The following SH3PXD2A variants were observed in gnomAD, a reference collection of about 807,000 sequenced individuals.
SH3PXD2A encodes SH3 and PX domain-containing protein 2A.
SH3PXD2A carries 32 observed loss-of-function variants against 115.2 expected under a neutral mutation model. That is an observed-to-expected ratio of 0.28 (90% CI 0.21 to 0.37). SH3PXD2A has a LOEUF of 0.37. Ranked by LOEUF, SH3PXD2A falls within the 10% of genes least tolerant of loss-of-function variation. SH3PXD2A has a pLI of 1.00. For missense variants in SH3PXD2A, 1,328 were observed against 1,498.7 expected (o/e 0.89, Z 1.88); for synonymous variants, 610 against 629.1 (o/e 0.97, Z 0.45).
chr10:103,700,986 T>C (rs1408254400), intron 5 of SH3PXD2A, among the ~76,000 whole-genome samples: 9 of 128,346 alleles, frequency 7.0e-5, no homozygotes, highest in East Asian at 5.6e-4. Context: ...CATCCATCCA[T>C]CATCCATTTA....
intron 1 of SH3PXD2A, among the ~76,000 whole-genome samples, chr10:103,812,177 C>T (rs1276429872): frequency 1.3e-5 from 2 of 152,222 alleles, no homozygotes; most frequent in African/African-American, 2.4e-5. Flanking sequence ...CCTGCCACCA[C>T]CCTCTGGTCC....
In SH3PXD2A at chr10:103,784,684, G is replaced by A. The variant is rs1283877852; in HGVS notation, c.153+16598C>T. Among the ~76,000 whole-genome samples, 21 of 152,150 alleles carry A rather than the reference G, an allele frequency of 1.4e-4. No individual in the cohort carries two copies. In the South Asian group the frequency reaches 2.1e-3, roughly 15 times the overall value. ...CCAGTAAAAACTCGGGGGGTGCAGT[G>A]AGGAGGCAGGAGGATGGGTCTGCTG... is the stretch of plus-strand genomic sequence containing the variant. On this transcript the variant is annotated intron_variant, in intron 2 of 14. Coordinates refer to ENST00000369774, the MANE Select transcript of SH3PXD2A (RefSeq NM_001394015.1). This position sits in a 1 kb window ranked among gnomAD's most constrained non-coding sequence, Gnocchi z 4.4.
chr10:103,780,439 G>A (rs969465786), intron 2 of SH3PXD2A, among the ~76,000 whole-genome samples: 1 of 152,210 alleles, frequency 6.6e-6, no homozygotes, highest in African/African-American at 2.4e-5. Flanking sequence ...GGGGTCAAGC[G>A]GGCAGAGTTC....
At chr10:103,639,627 GAAAAAGAAAAAAA>G (rs1345195138) in intron 8 of SH3PXD2A, among the ~76,000 whole-genome samples, 61 of 70,728 alleles carry the variant, frequency 8.6e-4, no homozygotes, top group African/African-American at 3.0e-3. Flanking sequence ...AAAAAAAAAA[GAAAAAGAAAAAAA>G]AAAAAGAAAA....
At chr10:103,669,482 A>C (rs1008825247) in intron 6 of SH3PXD2A, among the ~76,000 whole-genome samples, 4 of 152,256 alleles carry the variant, frequency 2.6e-5, no homozygotes, top group Non-Finnish European at 4.4e-5. Context: ...TCTTGGTCTA[A>C]TCAATGGTTT....
At chr10:103,643,033 C>A (rs1446100639) in intron 8 of SH3PXD2A, among the ~76,000 whole-genome samples, 2 of 152,194 alleles carry the variant, frequency 1.3e-5, no homozygotes, top group African/African-American at 2.4e-5. Flanking sequence ...CACAATTTGT[C>A]TAGGGCATTC....
chr10:103,811,559 G>A (rs1190392997), intron 1 of SH3PXD2A, among the ~76,000 whole-genome samples: 7 of 152,218 alleles, frequency 4.6e-5, no homozygotes, highest in African/African-American at 1.7e-4. Context: ...ATGAAGCTCA[G>A]ATTCAAATGC....
intron 8 of SH3PXD2A, among the ~76,000 whole-genome samples, chr10:103,648,574 G>A (rs545859340): frequency 6.6e-6 from 1 of 152,282 alleles, no homozygotes; most frequent in South Asian, 2.1e-4. Context: ...AACCAAAAAC[G>A]TCCATCAGCC....
chr10:103,745,570 A>C (rs1232872889), intron 3 of SH3PXD2A, among the ~76,000 whole-genome samples: 1 of 152,244 alleles, frequency 6.6e-6, no homozygotes, highest in East Asian at 1.9e-4. Flanking sequence ...AATGGTGAAC[A>C]AATGGGATCT....
At chr10:103,643,776 G>A (rs1308807673) in intron 8 of SH3PXD2A, among the ~76,000 whole-genome samples, 4 of 152,162 alleles carry the variant, frequency 2.6e-5, no homozygotes, top group South Asian at 2.1e-4. Flanking sequence ...ACCCACTCTC[G>A]GGGAACCACT....
At chr10:103,855,162 A>AC in intron 1 of SH3PXD2A, 33 bp downstream of exon 1, 1 of 1,487,214 alleles carries the variant, frequency 6.7e-7, no homozygotes, top group Non-Finnish European at 9.0e-7. Flanking sequence ...ACCTCGGGCC[A>AC]CCCCCAGCAG....
Position 103,599,499 on chromosome 10 carries a change from G to A in SH3PXD2A, c.*2317C>T, listed in dbSNP as rs1326541975. On this transcript the variant is annotated 3_prime_UTR_variant, in exon 15 of 15. Coordinates refer to ENST00000369774, the MANE Select transcript of SH3PXD2A (RefSeq NM_001394015.1). The stretch of plus-strand genomic sequence containing the variant: ...CCCCTGGAAGATAGCTACATTGAAG[G>A]TTCTTTACCTGACAGTCACTCTACT... 1 of 152,560 alleles carries A rather than the reference G, an allele frequency of 6.6e-6. No individual in the cohort carries two copies. The highest frequency in any genetic ancestry group is 1.5e-5 in the Non-Finnish European group (1 of 68,030). The allele number at this position is 152,560 out of a possible 1,614,324, so 9.5% of individuals were successfully genotyped here.
intron 5 of SH3PXD2A, among the ~76,000 whole-genome samples, chr10:103,701,159 T>C (rs1351474847): frequency 7.0e-6 from 1 of 142,250 alleles, no homozygotes; most frequent in Non-Finnish European, 1.5e-5. Context: ...CATCCATCCA[T>C]CCATCCATCC....
intron 1 of SH3PXD2A, among the ~76,000 whole-genome samples, chr10:103,820,399 C>T (rs553268913): frequency 3.4e-4 from 52 of 152,288 alleles, no homozygotes; most frequent in Admixed American, 1.8e-3. Flanking sequence ...AAGAGTCCTG[C>T]GCAGCGGCCA....
At chr10:103,747,736 G>C (rs1241628475) in intron 3 of SH3PXD2A, among the ~76,000 whole-genome samples, 1 of 152,204 alleles carries the variant, frequency 6.6e-6, no homozygotes, top group African/African-American at 2.4e-5. Context: ...GGCCTGGCCA[G>C]GCCAGCCACA....
At chr10:103,758,297 C>G (rs545062861) in intron 3 of SH3PXD2A, among the ~76,000 whole-genome samples, 1 of 152,316 alleles carries the variant, frequency 6.6e-6, no homozygotes, top group East Asian at 1.9e-4. Flanking sequence ...GCTGTCCCCC[C>G]AAGCCTGGCA....
intron 1 of SH3PXD2A, among the ~76,000 whole-genome samples, chr10:103,811,525 AG>A (rs1198192063): frequency 6.6e-6 from 1 of 152,222 alleles, no homozygotes; most frequent in Non-Finnish European, 1.5e-5. Flanking sequence ...GGTCTACCCG[AG>A]GTCATCATAT....
In SH3PXD2A at chr10:103,603,244, G is replaced by A. The variant is rs1189663709; in HGVS notation, c.1974C>T (p.Pro658=). Residue 658 remains proline, a synonymous_variant, in exon 15 of 15, where the codon CCC becomes CCT. Transcript: ENST00000369774. ...SSLSLTRKNS[P]KSGSPKSSSL... ...ATGATGACTTGGGGGAGCCTGATTTGGGGGAGTTTTTCCTGGTCAGGGACA... is the reference window on the plus strand; with the variant it reads ...ATGATGACTTGGGGGAGCCTGATTTAGGGGAGTTTTTCCTGGTCAGGGACA... 2 of 1,614,118 alleles carry A rather than the reference G, an allele frequency of 1.2e-6. No individual in the cohort carries two copies. Among genetic ancestry groups the A allele is most frequent in the South Asian group, 1.1e-5 (1 of 91,090 alleles).
At chr10:103,702,707 T>C (rs1256212476) in intron 5 of SH3PXD2A, among the ~76,000 whole-genome samples, 1 of 151,790 alleles carries the variant, frequency 6.6e-6, no homozygotes, top group Non-Finnish European at 1.5e-5. Flanking sequence ...GCAGCTCAGA[T>C]TTTAGAAGGA....
Sources: allele counts gnomAD v4.1 joint callset (sites outside exome capture counted in the v4.1 genomes callset), GRCh38; gene constraint gnomAD v4.1.1; non-coding constraint Gnocchi (gnomAD v3.1); transcripts MANE v1.5; gene names NCBI Gene and HGNC (gene_info 2026-07-23, HGNC 2026-07-21).